Variants in DEF8 observed in about 807,000 individuals in gnomAD.
DEF8 encodes the protein differentially expressed in FDCP 8 homolog, also known as DEF-8.
Under a neutral mutation model 59.1 loss-of-function variants are expected in DEF8, and 38 were observed. That is an observed-to-expected ratio of 0.64 (90% CI 0.50 to 0.84). The LOEUF (loss-of-function observed/expected upper bound fraction) is 0.84, where lower values mean the gene tolerates loss of function less well. DEF8 is among the 40% of genes least tolerant of loss of function. The pLI is 0.00. For synonymous variants in DEF8, 265 were observed against 250.1 expected, an observed-to-expected ratio of 1.06 and a Z score of -0.56; for missense variants, 557 against 615.2, an observed-to-expected ratio of 0.91 and a Z score of 1.00.
chr16:89,955,059 T>G (rs77383038), intron 3 of DEF8, 110 bp from the exon 4 acceptor site: 25,207 of 804,620 alleles, frequency 0.031, 580 homozygotes, highest in Middle Eastern at 0.1. Context: ...CTCCTTTCTG[T>G]GCGGCTTCCT....
chr16:89,963,173 G>C (rs897717267), intron 9 of DEF8, among the ~76,000 whole-genome samples, 190 bp from the exon 10 acceptor site: 1 of 152,230 alleles, frequency 6.6e-6, no homozygotes, highest in Non-Finnish European at 1.5e-5. Context: ...TCTGGACCAC[G>C]GTAAGTGAGC....
intron 10 of DEF8, 93 bp from the exon 11 acceptor site, chr16:89,964,077 A>C (rs768676127): frequency 5.9e-6 from 9 of 1,533,024 alleles, no homozygotes; most frequent in Admixed American, 3.3e-5. Flanking sequence ...TTTCTCTGTG[A>C]GCACCTGGGC....
rs1180987086 is a variant in DEF8, at chr16:89,954,547, T to C, written c.124+171T>C. ...TCTGTGGTCGTGTGGTTTGTTTCTG[T>C]GTCCCCACTAGAATTCACATTCCTG... On this transcript the variant is annotated intron_variant, in intron 3 of 12. Coordinates refer to ENST00000563594, the MANE Select transcript of DEF8 (RefSeq NM_001242818.2). This position sits in a 1 kb window ranked among gnomAD's most constrained non-coding sequence, Gnocchi z 4.3. 6.6e-6 allele frequency among the ~76,000 whole-genome samples: 1 copy of C among 152,204 alleles called. No homozygotes were observed. The highest frequency in any genetic ancestry group is 1.5e-5 in the Non-Finnish European group (1 of 68,038).
At chr16:89,957,086 C>G (rs879548474) in intron 4 of DEF8, among the ~76,000 whole-genome samples, 4 of 152,246 alleles carry the variant, frequency 2.6e-5, no homozygotes, top group African/African-American at 9.6e-5. Flanking sequence ...GGGGCTGGCT[C>G]TCGGCATGTG....
At chr16:89,961,249 T>G (rs957898488) in intron 7 of DEF8, among the ~76,000 whole-genome samples, 154 bp downstream of exon 7, 1 of 152,180 alleles carries the variant, frequency 6.6e-6, no homozygotes, top group Non-Finnish European at 1.5e-5. Context: ...GGTCTGTTGC[T>G]GCCATTGTTT....
chr16:89,962,308 C>T (rs1054055326), intron 9 of DEF8, among the ~76,000 whole-genome samples, 183 bp downstream of exon 9: 9 of 152,156 alleles, frequency 5.9e-5, no homozygotes, highest in East Asian at 1.9e-4. Flanking sequence ...AGCGGTGTCC[C>T]GTAGTGATCT....
At chr16:89,959,587 C>T (rs1246148826) in intron 6 of DEF8, among the ~76,000 whole-genome samples, 2 of 152,226 alleles carry the variant, frequency 1.3e-5, no homozygotes, top group South Asian at 2.1e-4. Flanking sequence ...CTCCACCTCC[C>T]GGGTTCACAC....
Position 89,961,112 on chromosome 16 carries a change from A to G in DEF8, c.679+17A>G, listed in dbSNP as rs1597510684. On this transcript the variant is annotated intron_variant, in intron 7 of 12. Transcript: ENST00000563594. ...TCTCTCTGCGTGAGTGGTGGCAGGGAGAGAAGAGGGTGAGGGAGCTGTTCC... is the reference window on the plus strand; with the variant it reads ...TCTCTCTGCGTGAGTGGTGGCAGGGGGAGAAGAGGGTGAGGGAGCTGTTCC... The G allele has an allele frequency of 6.2e-7, 1 of 1,604,960 alleles. No individual in the cohort carries two copies. The highest frequency in any genetic ancestry group is 8.5e-7 in the Non-Finnish European group (1 of 1,173,004).
At position 89,960,629 on chromosome 16, in the gene DEF8, C is replaced by T. The variant is rs1226335876; in HGVS notation, c.515-302C>T. 6.1e-5 allele frequency among the ~76,000 whole-genome samples: 7 copies of T among 114,984 alleles called. No homozygotes were observed. The South Asian group carries it at 1.2e-3, about 20-fold the overall frequency. The allele number at this position is 114,984 out of a possible 152,430, so 75.4% of individuals were successfully genotyped here. A position where few individuals can be genotyped will look rare whatever the true frequency, so the allele number is the denominator to read the frequency against. ...ATGGGGAAGCTGAGGGGCTTGGGGT[C>T]GGGGGTGGGAGTTTCGTTTGTTACA... On this transcript the variant is annotated intron_variant, in intron 6 of 12. Coordinates refer to ENST00000563594, the MANE Select transcript of DEF8 (RefSeq NM_001242818.2).
intron 7 of DEF8, 106 bp from the exon 8 acceptor site, chr16:89,961,631 A>T (rs1294781821): frequency 7.0e-7 from 1 of 1,423,856 alleles, no homozygotes; most frequent in Non-Finnish European, 9.7e-7. Context: ...ACATGTTCCC[A>T]TGTCTCCCCG....
rs11864977 is a variant in DEF8 at position 89,965,847 on chromosome 16, C to G, written c.1254-14C>G. 77,749 of 1,601,828 alleles carry G rather than the reference C, an allele frequency of 0.049. 7,645 individuals are homozygous for G. The highest frequency in any genetic ancestry group is 0.41 in the African/African-American group (30,193 of 74,330). On this transcript the variant is annotated splice_polypyrimidine_tract_variant and intron_variant, in intron 12 of 12. Coordinates refer to ENST00000563594, the MANE Select transcript of DEF8 (RefSeq NM_001242818.2). ...TTTCCTGTGCAGAGAGCCCCGACCTCTTTCTGCCCCCAGGGACTGCTACTA... is the reference window on the plus strand; with the variant it reads ...TTTCCTGTGCAGAGAGCCCCGACCTGTTTCTGCCCCCAGGGACTGCTACTA...
At chr16:89,956,488 T>A (rs2033221538) in intron 4 of DEF8, 1 of 151,704 alleles carries the variant, frequency 6.6e-6, no homozygotes, top group African/African-American at 2.4e-5. Context: ...ACTTCATATA[T>A]TTGTTTCGTA....
rs767643221 is a variant in DEF8, at chr16:89,965,947, C to A, written c.1340C>A (p.Pro447His). ...RKQSLFQEPG[P>H]DVEA ...CAGTCGCTCTTCCAGGAGCCAGGTC[C>A]CGATGTGGAGGCCTAGCGCCGAGGA... The change falls in exon 13 of 13, where the codon CCC (proline) becomes CAC (histidine). Residue 447 changes from proline to histidine, a missense_variant. Coordinates refer to ENST00000563594, the MANE Select transcript of DEF8 (RefSeq NM_001242818.2). 2 of 1,613,146 alleles carry A rather than the reference C, an allele frequency of 1.2e-6. No individual in the cohort carries two copies. The highest frequency in any genetic ancestry group is 1.7e-6 in the Non-Finnish European group (2 of 1,179,484).
At chr16:89,949,727 C>A in intron 2 of DEF8, 1 of 1,297,632 alleles carries the variant, frequency 7.7e-7, no homozygotes, top group African/African-American at 1.5e-5. Context: ...CCTTTCATTG[C>A]TAAGTTGTGG....
chr16:89,960,844 A>C, intron 6 of DEF8, 87 bp from the exon 7 acceptor site: 1 of 1,454,316 alleles, frequency 6.9e-7, no homozygotes, highest in East Asian at 2.3e-5. Flanking sequence ...AGTGGAACCC[A>C]CGGGGAGGGG....
chr16:89,949,582 T>C (rs752075931), intron 2 of DEF8, 69 bp downstream of exon 2: 17 of 1,613,244 alleles, frequency 1.1e-5, no homozygotes, highest in Non-Finnish European at 1.4e-5. Flanking sequence ...GGGTGGCAGC[T>C]GCAGTGATGA....
At chr16:89,949,570 CG>C (rs1567778825) in intron 2 of DEF8, 57 bp downstream of exon 2, 1 of 1,613,360 alleles carries the variant, frequency 6.2e-7, no homozygotes, top group South Asian at 1.1e-5. Context: ...CTCAGGTTCT[CG>C]GGGTGGCAGC....
intron 6 of DEF8, among the ~76,000 whole-genome samples, chr16:89,959,895 TGTGTCC>T (rs2033798818): frequency 6.6e-6 from 1 of 152,064 alleles, no homozygotes; most frequent in African/African-American, 2.4e-5. Context: ...CTGTGGTTGA[TGTGTCC>T]AGTGCCTTAA....
chr16:89,959,787 A>G (rs1447262914), intron 6 of DEF8, among the ~76,000 whole-genome samples: 2 of 152,200 alleles, frequency 1.3e-5, no homozygotes, highest in South Asian at 2.1e-4. Flanking sequence ...GTGAGCCACC[A>G]CGCCCAGCCG....
Sources: gnomAD v4.1 joint callset for allele counts (sites outside exome capture counted in the v4.1 genomes callset) on GRCh38, gnomAD v4.1.1 for gene constraint, Gnocchi (gnomAD v3.1) non-coding constraint, MANE v1.5 for transcripts, NCBI Gene and HGNC (gene_info 2026-07-23, HGNC 2026-07-21) for gene names.